Variants in SLC17A1 observed in about 807,000 individuals in gnomAD.
SLC17A1 encodes solute carrier family 17 member 1, also known as sodium-dependent phosphate transport protein 1.
A neutral mutation model predicts 53.5 loss-of-function variants in SLC17A1; 51 were observed. The observed-to-expected ratio is 0.95, with a 90% CI of 0.76 to 1.20. SLC17A1 has a LOEUF of 1.20. SLC17A1 is among the 50% of genes most tolerant of loss of function. SLC17A1 has a pLI of 0.00. For synonymous variants in SLC17A1, 179 were observed against 198.8 expected (o/e 0.90, Z 0.84); for missense variants, 538 against 568.2 (o/e 0.95, Z 0.54).
At chr6:25,802,028 G>A (rs771261073) in intron 10 of SLC17A1, among the ~76,000 whole-genome samples, 1 of 152,158 alleles carries the variant, frequency 6.6e-6, no homozygotes, top group Non-Finnish European at 1.5e-5. Context: ...TTTCATTTCA[G>A]CAATAGAACC....
chr6:25,776,875 C>A, the SLC17A1 span: 1 of 1,613,980 alleles, frequency 6.2e-7, no homozygotes, highest in Non-Finnish European at 8.5e-7. Flanking sequence ...CACAGCATGA[C>A]CATGACCTTC....
At chr6:25,738,920 C>G in the SLC17A1 span, among the ~76,000 whole-genome samples, 1 of 152,136 alleles carries the variant, frequency 6.6e-6, no homozygotes, top group Non-Finnish European at 1.5e-5. Flanking sequence ...CTTGATCTCC[C>G]ATACATTGCT....
the SLC17A1 span, chr6:25,726,477 A>G: frequency 1.2e-4 from 199 of 1,613,454 alleles, 1 homozygote; most frequent in South Asian, 3.3e-5. Context: ...TAGAAGAGCG[A>G]GACTTAGACT....
At chr6:25,795,930 G>A (rs1444687232) in intron 12 of SLC17A1, among the ~76,000 whole-genome samples, 2 of 152,116 alleles carry the variant, frequency 1.3e-5, no homozygotes, top group African/African-American at 2.4e-5. Context: ...AATAGTAAAT[G>A]CCAAAGCAGA....
the SLC17A1 span, chr6:25,770,542 C>T: frequency 5.1e-6 from 7 of 1,366,994 alleles, no homozygotes; most frequent in South Asian, 1.2e-5. Context: ...GCCAACAGAA[C>T]CAAGATCTTA....
chr6:25,754,543 T>C, the SLC17A1 span, among the ~76,000 whole-genome samples: 1 of 152,124 alleles, frequency 6.6e-6, no homozygotes, highest in Non-Finnish European at 1.5e-5. Flanking sequence ...AGGGAAGACA[T>C]AGGTGACCTC....
At chr6:25,781,446 C>T (rs1763267009), downstream of SLC17A1, among the ~76,000 whole-genome samples, 2 of 152,094 alleles carry the variant, frequency 1.3e-5, no homozygotes. Flanking sequence ...AGAAAGGAGA[C>T]CACTGCTGAG....
intron 12 of SLC17A1, among the ~76,000 whole-genome samples, chr6:25,785,347 C>T (rs980996993): frequency 1.3e-5 from 2 of 152,034 alleles, no homozygotes; most frequent in Non-Finnish European, 2.9e-5. Flanking sequence ...AATGTAAGAG[C>T]TAAAACAATA....
At chr6:25,725,907 A>C in the SLC17A1 span, among the ~76,000 whole-genome samples, 2 of 152,128 alleles carry the variant, frequency 1.3e-5, no homozygotes, top group Non-Finnish European at 2.9e-5. Context: ...ATATATAACC[A>C]AAATTACCTC....
intron 1 of SLC17A1, among the ~76,000 whole-genome samples, chr6:25,831,452 A>G (rs764185834): frequency 2.8e-4 from 42 of 152,210 alleles, no homozygotes; most frequent in Non-Finnish European, 5.7e-4. Flanking sequence ...TTATTTCAAT[A>G]CATATATACA....
chr6:25,770,859 T>G, the SLC17A1 span: 1 of 1,237,108 alleles, frequency 8.1e-7, no homozygotes, highest in South Asian at 1.2e-5. Flanking sequence ...AACTCAGCAT[T>G]GTAGAAAGCA....
chr6:25,776,634 A>T, the SLC17A1 span: 3 of 1,613,324 alleles, frequency 1.9e-6, no homozygotes, highest in Non-Finnish European at 2.5e-6. Flanking sequence ...TGTTGGATGT[A>T]TCTGCATTAT....
intron 5 of SLC17A1, 69 bp downstream of exon 5, chr6:25,819,442 G>T (rs1764470774): frequency 2.4e-6 from 3 of 1,260,096 alleles, no homozygotes; most frequent in Non-Finnish European, 3.5e-6. Context: ...ATTTCTTATG[G>T]CTCTAGGGAA....
chr6:25,777,252 C>A, the SLC17A1 span: 1 of 340,832 alleles, frequency 2.9e-6, no homozygotes, highest in Non-Finnish European at 5.3e-6. Flanking sequence ...TTGCCTAAGG[C>A]GGAATCACTG....
the SLC17A1 span, chr6:25,769,061 C>A: frequency 1.2e-6 from 2 of 1,613,988 alleles, no homozygotes; most frequent in Non-Finnish European, 1.7e-6. Flanking sequence ...AACAAATGAA[C>A]TTGAGCATTG....
chr6:25,800,697 A>G (rs1444421493), intron 11 of SLC17A1, among the ~76,000 whole-genome samples, 193 bp downstream of exon 11: 1 of 152,126 alleles, frequency 6.6e-6, no homozygotes, highest in African/African-American at 2.4e-5. Context: ...TATCTAATTG[A>G]CAAATAATGA....
At chr6:25,769,068 A>T in the SLC17A1 span, 1 of 1,614,078 alleles carries the variant, frequency 6.2e-7, no homozygotes, top group Non-Finnish European at 8.5e-7. Flanking sequence ...GAACTTGAGC[A>T]TTGCCATCCC....
At chr6:25,756,064 G>T in the SLC17A1 span, among the ~76,000 whole-genome samples, 1 of 152,076 alleles carries the variant, frequency 6.6e-6, no homozygotes, top group South Asian at 2.1e-4. Context: ...TTCTTGTTCA[G>T]TCTCTTGGTT....
Position 25,831,566 on chromosome 6 carries a change from C to A in SLC17A1, c.-51+428G>T, listed in dbSNP as rs951458537. 3.9e-5 allele frequency among the ~76,000 whole-genome samples: 6 copies of A among 152,202 alleles called. No homozygotes were observed. In the South Asian group the frequency reaches 1.2e-3, roughly 32 times the overall value. On this transcript the variant is annotated intron_variant, in intron 1 of 12. Coordinates refer to ENST00000244527, the MANE Select transcript of SLC17A1 (RefSeq NM_005074.5). ...TCCCCTTATGTTCTCCACACATACA[C>A]TCCAGACACATAGCAAACCAAACAT...
Sources: allele counts gnomAD v4.1 joint callset (sites outside exome capture counted in the v4.1 genomes callset), GRCh38; gene constraint gnomAD v4.1.1; transcripts MANE v1.5; gene names NCBI Gene and HGNC (gene_info 2026-07-23, HGNC 2026-07-21).